The following CAGE1 variants were observed in gnomAD, a reference collection of about 807,000 sequenced individuals.
CAGE1 encodes the protein cancer antigen 1.
In CAGE1, 66 loss-of-function variants were observed where a neutral mutation model predicts 94.9. The ratio of observed to expected loss-of-function variants is 0.70; its 90% CI spans 0.57 to 0.85. The LOEUF (loss-of-function observed/expected upper bound fraction) is 0.85, where lower values mean the gene tolerates loss of function less well. Among genes scored for constraint, CAGE1 ranks in the 40% least tolerant of loss-of-function variants. The probability of loss-of-function intolerance (pLI) is 0.00; values close to 1 mark genes in which losing one functional copy is unlikely to be tolerated. For missense variants in CAGE1, 865 were observed against 950.4 expected (o/e 0.91, Z 1.18); for synonymous variants, 319 against 321.0 (o/e 0.99, Z 0.07).
chr6:7,341,849 G>C, intron 11 of CAGE1: 2 of 680,246 alleles, frequency 2.9e-6, no homozygotes, highest in Middle Eastern at 2.6e-4. Flanking sequence ...TAGTAGGTCA[G>C]GAACTGGGCC....
In CAGE1 at chr6:7,372,999, G is replaced by A. The variant is rs566013658; in HGVS notation, c.1746+74C>T. On this transcript the variant is annotated intron_variant, in intron 5 of 13. Coordinates refer to ENST00000502583, the MANE Select transcript of CAGE1 (RefSeq NM_001170692.2). The stretch of plus-strand genomic sequence containing the variant: ...TTCTGCAAACAAATATAAGTGCCAC[G>A]TCTAAATACGCATCACTAGACCACT... 78 of 1,045,980 alleles carry A rather than the reference G, an allele frequency of 7.5e-5. No individual in the cohort carries two copies. The Admixed American group carries it at 1.5e-3, about 20-fold the overall frequency. The allele number at this position is 1,045,980 out of a possible 1,614,324, so 64.8% of individuals were successfully genotyped here. A position where few individuals can be genotyped will look rare whatever the true frequency, so the allele number is the denominator to read the frequency against.
rs1284051385 is a variant in CAGE1, at chr6:7,339,718, C to A, written c.2370-5628G>T. The A allele has an allele frequency of 1.9e-6, 1 of 539,118 alleles. No individual in the cohort carries two copies. The highest frequency in any genetic ancestry group is 3.3e-6 in the Non-Finnish European group (1 of 299,548). 33.4% of individuals were successfully genotyped at this position (539,118 alleles called of 1,614,324 possible). A position where few individuals can be genotyped will look rare whatever the true frequency, so the allele number is the denominator to read the frequency against. The stretch of plus-strand genomic sequence containing the variant: ...TCACTTAGAATAATGGTCTCCAATT[C>A]CATCTAAGTTGCTGTGAATGCCATT... On this transcript the variant is annotated intron_variant, in intron 11 of 13. Transcript: ENST00000502583. The surrounding 1 kb of genome is among the most constrained non-coding windows in gnomAD (Gnocchi z 4.7).
intron 3 of CAGE1, among the ~76,000 whole-genome samples, chr6:7,380,783 TA>T (rs1216871151): frequency 1.3e-5 from 2 of 152,296 alleles, no homozygotes; most frequent in East Asian, 3.9e-4. Context: ...ATTTTGCCCT[TA>T]AAAACAGCAC....
At chr6:7,353,896 G>A (rs528828632) in intron 11 of CAGE1, among the ~76,000 whole-genome samples, 1 of 152,120 alleles carries the variant, frequency 6.6e-6, no homozygotes, top group East Asian at 1.9e-4. Flanking sequence ...AAGCTATGAG[G>A]ACACAAAGGC....
intron 9 of CAGE1, among the ~76,000 whole-genome samples, chr6:7,360,819 C>T (rs1226992764): frequency 6.6e-6 from 1 of 151,970 alleles, no homozygotes; most frequent in African/African-American, 2.4e-5. Context: ...GGGTAGTGCA[C>T]GCCTGTATTC....
intron 3 of CAGE1, among the ~76,000 whole-genome samples, chr6:7,382,586 C>G (rs1196563405): frequency 6.6e-6 from 1 of 150,580 alleles, no homozygotes; most frequent in East Asian, 2.1e-4. Context: ...CAGGTATGAG[C>G]TACCGTGCCC....
Position 7,339,843 on chromosome 6 carries a change from A to T in CAGE1, c.2370-5753T>A, listed in dbSNP as rs184457038. On this transcript the variant is annotated intron_variant, in intron 11 of 13. Coordinates refer to ENST00000502583, the MANE Select transcript of CAGE1 (RefSeq NM_001170692.2). The surrounding 1 kb of genome is among the most constrained non-coding windows in gnomAD (Gnocchi z 4.7). ...ATTGATGGGCATTTGGGCTGGTTCC[A>T]TATTTTGGTAATTTCAAATTGTGCT... Among the ~76,000 whole-genome samples the T allele has an allele frequency of 9.9e-5, 15 of 152,280 alleles. No individual in the cohort carries two copies. The highest frequency in any genetic ancestry group is 4.1e-4 in the South Asian group (2 of 4,822).
At chr6:7,345,363 CAGAACAT>C (rs1380166299) in intron 11 of CAGE1, among the ~76,000 whole-genome samples, 5 of 82,800 alleles carry the variant, frequency 6.0e-5, no homozygotes, top group African/African-American at 2.4e-4. Flanking sequence ...CTGAACACAT[CAGAACAT>C]CAGAAGGAAC....
intron 12 of CAGE1, chr6:7,331,397 G>C (rs1452528833): frequency 1.2e-6 from 1 of 822,848 alleles, no homozygotes; most frequent in Non-Finnish European, 1.8e-6. Flanking sequence ...TTAGTGCAGG[G>C]TTTCTGGCAT....
rs373467656 is a variant in CAGE1 at position 7,355,026 on chromosome 6, G to A, written c.2369+15C>T. 3.4e-5 allele frequency: 54 copies of A among 1,581,112 alleles called. No individual in the cohort carries two copies. The highest frequency in any genetic ancestry group is 5.4e-5 in the African/African-American group (4 of 73,876). On this transcript the variant is annotated intron_variant, in intron 11 of 13. Transcript: ENST00000502583. ...TAAATATTCACAAAATTAAGGATTC[G>A]TTTTTTCAACTTACTGTGCAATCTG...
At chr6:7,328,873 A>AGTGTGTGTGT (rs545926619) in intron 13 of CAGE1, among the ~76,000 whole-genome samples, 5 of 105,384 alleles carry the variant, frequency 4.7e-5, no homozygotes, top group African/African-American at 1.1e-4. Context: ...GTATCTTATA[A>AGTGTGTGTGT]GTGTGTGTGT....
chr6:7,337,630 T>C (rs181096631), intron 11 of CAGE1, among the ~76,000 whole-genome samples: 3 of 152,350 alleles, frequency 2.0e-5, no homozygotes, highest in African/African-American at 7.2e-5. Flanking sequence ...CTTTTTCCAC[T>C]TTGTTGCCTT....
At chr6:7,345,758 C>T (rs908973237) in intron 11 of CAGE1, among the ~76,000 whole-genome samples, 1 of 151,582 alleles carries the variant, frequency 6.6e-6, no homozygotes, top group African/African-American at 2.4e-5. Flanking sequence ...CCCGTCTCTA[C>T]TAAAAATACA....
chr6:7,355,046 A>C lies in CAGE1; in HGVS notation c.2364T>G (p.Ile788Met), dbSNP rs575215580. Residue 788 changes from isoleucine (I) to methionine (M), a missense_variant, in exon 11 of 14, where the codon ATT becomes ATG. Physicochemically the swap from Ile to Met is conservative, Grantham distance 10 (BLOSUM62 1). Transcript: ENST00000502583. Reference sequence around the variant, plus strand: ...GATTCGTTTTTTCAACTTACTGTGCAATCTGGGAGTGGGATATTGCAAGCC... The same window carrying C: ...GATTCGTTTTTTCAACTTACTGTGCCATCTGGGAGTGGGATATTGCAAGCC... The part of the protein sequence containing the change: ...DQRLAISHSQ[I>M]AHLEERNKHL... The C allele has an allele frequency of 3.0e-5, 48 of 1,604,574 alleles. No individual in the cohort carries two copies. In the East Asian group the frequency reaches 8.9e-4, roughly 30 times the overall value.
chr6:7,361,204 T>C (rs1408747), intron 9 of CAGE1, among the ~76,000 whole-genome samples: 81,017 of 151,992 alleles, frequency 0.53, 24,231 homozygotes, highest in African/African-American at 0.82. Flanking sequence ...CTAGTGGGCC[T>C]GAGATCTCTA....
chr6:7,375,710 C>A (rs1760718209), intron 4 of CAGE1, among the ~76,000 whole-genome samples: 1 of 152,210 alleles, frequency 6.6e-6, no homozygotes, highest in African/African-American at 2.4e-5. Flanking sequence ...AGCAAGACAC[C>A]TTGTATCTAA....
chr6:7,337,764 T>A (rs1759014154), intron 11 of CAGE1, among the ~76,000 whole-genome samples: 2 of 152,236 alleles, frequency 1.3e-5, no homozygotes, highest in Non-Finnish European at 2.9e-5. Context: ...TGTAGCTCTA[T>A]AAAAAGTCTT....
chr6:7,340,008 GT>G (rs1759107379), intron 11 of CAGE1, among the ~76,000 whole-genome samples: 1 of 152,224 alleles, frequency 6.6e-6, no homozygotes, highest in Non-Finnish European at 1.5e-5. Flanking sequence ...GTTTTCCACA[GT>G]GGTTATACTA....
chr6:7,375,296 C>A lies in CAGE1; in HGVS notation c.688-1165G>T, dbSNP rs558604496. Among the ~76,000 whole-genome samples the A allele has an allele frequency of 3.3e-5, 5 of 151,700 alleles. No individual in the cohort carries two copies. In the South Asian group the frequency reaches 1.0e-3, roughly 32 times the overall value. The stretch of plus-strand genomic sequence containing the variant: ...TGGCGGTGTGCACCTGTAGTCCCAG[C>A]TACTCGGGAGGCTGAGGTAGGAGAA... On this transcript the variant is annotated intron_variant, in intron 4 of 13. Transcript: ENST00000502583.
Sources: allele counts gnomAD v4.1 joint callset (sites outside exome capture counted in the v4.1 genomes callset), GRCh38; gene constraint gnomAD v4.1.1; non-coding constraint Gnocchi (gnomAD v3.1); transcripts MANE v1.5; gene names NCBI Gene and HGNC (gene_info 2026-07-23, HGNC 2026-07-21).